SGCD: variants seen among roughly 807,000 people sequenced by gnomAD.
SGCD encodes the protein sarcoglycan delta.
In SGCD, 18 loss-of-function variants were observed where a neutral mutation model predicts 36.6. That is an observed-to-expected ratio of 0.49 (90% CI 0.34 to 0.73). SGCD has a LOEUF of 0.73. SGCD is among the 30% of genes least tolerant of loss of function. The pLI is 0.01. For synonymous variants in SGCD, 133 were observed against 130.6 expected (o/e 1.02, Z -0.12); for missense variants, 387 against 346.7 (o/e 1.12, Z -0.92).
At chr5:155,756,428 T>C in the SGCD span, among the ~76,000 whole-genome samples, 3 of 152,240 alleles carry the variant, frequency 2.0e-5, no homozygotes, top group Non-Finnish European at 2.9e-5. Flanking sequence ...TTTTATTCCA[T>C]ATGTTGATCT....
At chr5:156,026,090 A>G (rs774955280) in intron 1 of SGCD, among the ~76,000 whole-genome samples, 8 of 152,274 alleles carry the variant, frequency 5.3e-5, no homozygotes, top group Non-Finnish European at 1.0e-4. Context: ...CAGTCACTGA[A>G]TTATTGATAA....
chr5:156,121,857 G>T (rs1215706755), intron 2 of SGCD, among the ~76,000 whole-genome samples: 1 of 152,004 alleles, frequency 6.6e-6, no homozygotes, highest in Admixed American at 6.6e-5. Flanking sequence ...GGAAGCAAAG[G>T]CAGAAAATCT....
At chr5:156,276,448 A>T (rs530210880) in intron 3 of SGCD, among the ~76,000 whole-genome samples, 25 of 152,334 alleles carry the variant, frequency 1.6e-4, no homozygotes, top group African/African-American at 6.0e-4. Context: ...TTTGACACTC[A>T]GCATCAGTAT....
At chr5:156,180,606 G>A (rs1763585444) in intron 3 of SGCD, among the ~76,000 whole-genome samples, 1 of 152,126 alleles carries the variant, frequency 6.6e-6, no homozygotes, top group Admixed American at 6.6e-5. Context: ...ACCCTCCAAA[G>A]ATTCACTGAA....
At chr5:156,086,719 A>G (rs1327252280) in intron 1 of SGCD, among the ~76,000 whole-genome samples, 1 of 152,206 alleles carries the variant, frequency 6.6e-6, no homozygotes, top group Non-Finnish European at 1.5e-5. Flanking sequence ...TAGATAAGGG[A>G]AACATGGTGC....
At chr5:156,017,196 C>T (rs1015218241) in intron 1 of SGCD, among the ~76,000 whole-genome samples, 1 of 152,122 alleles carries the variant, frequency 6.6e-6, no homozygotes, top group African/African-American at 2.4e-5. Flanking sequence ...GTCTTGCCTG[C>T]TTTTCTGTAT....
chr5:156,668,972 A>G (rs1049143624), intron 7 of SGCD, among the ~76,000 whole-genome samples: 4 of 152,150 alleles, frequency 2.6e-5, no homozygotes, highest in African/African-American at 9.7e-5. Context: ...CTGGAGCGGA[A>G]AAAAGGGCCT....
intron 6 of SGCD, among the ~76,000 whole-genome samples, chr5:156,644,154 C>T (rs571237289): frequency 1.9e-3 from 294 of 152,232 alleles, no homozygotes; most frequent in African/African-American, 7.0e-3. Flanking sequence ...CTTTTGAGAT[C>T]AGTTCTTCAT....
intron 3 of SGCD, among the ~76,000 whole-genome samples, chr5:156,153,917 A>G (rs1581133463): frequency 6.6e-6 from 1 of 151,700 alleles, no homozygotes; most frequent in East Asian, 1.9e-4. Flanking sequence ...TAACCACCCC[A>G]GTTGTTTTAA....
intron 3 of SGCD, among the ~76,000 whole-genome samples, chr5:156,458,019 G>A (rs1231814911): frequency 6.6e-6 from 1 of 152,088 alleles, no homozygotes; most frequent in Non-Finnish European, 1.5e-5. Context: ...AAACCACACT[G>A]TGCCAACGCC....
intron 3 of SGCD, among the ~76,000 whole-genome samples, chr5:156,126,482 G>A (rs1479502987): frequency 1.3e-5 from 2 of 152,180 alleles, no homozygotes; most frequent in Non-Finnish European, 2.9e-5. Flanking sequence ...GACGGAGGAT[G>A]CAGGGCAAAG....
At chr5:155,753,474 A>G in the SGCD span, among the ~76,000 whole-genome samples, 2 of 152,224 alleles carry the variant, frequency 1.3e-5, no homozygotes, top group Non-Finnish European at 2.9e-5. Context: ...AAAGGATCGG[A>G]CAATGTGCTA....
intron 3 of SGCD, among the ~76,000 whole-genome samples, chr5:156,229,883 T>C (rs59232655): frequency 0.04 from 6,075 of 152,280 alleles, 239 homozygotes; most frequent in African/African-American, 0.1. Flanking sequence ...TTGTCTTTGT[T>C]GGATTGGGTT....
chr5:156,695,086 T>G (rs1754253002), intron 7 of SGCD, among the ~76,000 whole-genome samples: 3 of 151,666 alleles, frequency 2.0e-5, no homozygotes, highest in African/African-American at 7.3e-5. Context: ...GAGAGTGCCA[T>G]GTTCTTAATT....
intron 1 of SGCD, among the ~76,000 whole-genome samples, chr5:156,039,056 A>G (rs1435841415): frequency 6.6e-6 from 1 of 152,036 alleles, no homozygotes; most frequent in Non-Finnish European, 1.5e-5. Flanking sequence ...CTTTTTATCA[A>G]GGTAGCATCC....
chr5:156,345,250 T>C (rs1489073078), intron 3 of SGCD, among the ~76,000 whole-genome samples: 1 of 152,184 alleles, frequency 6.6e-6, no homozygotes, highest in Non-Finnish European at 1.5e-5. Flanking sequence ...ATTTTTTTTT[T>C]TAAGAATTGA....
chr5:156,458,735 C>T (rs376686630), intron 3 of SGCD, among the ~76,000 whole-genome samples: 3 of 152,322 alleles, frequency 2.0e-5, no homozygotes, highest in African/African-American at 7.2e-5. Context: ...ACCAACATCA[C>T]GATCATCCAC....
At chr5:156,004,303 T>C (rs1165544605) in intron 1 of SGCD, among the ~76,000 whole-genome samples, 4 of 152,230 alleles carry the variant, frequency 2.6e-5, no homozygotes, top group Non-Finnish European at 5.9e-5. Context: ...AACATGCTTC[T>C]TTCTAGAACA....
At chr5:156,704,252 T>A (rs1200104022) in intron 7 of SGCD, 1 of 152,182 alleles carries the variant, frequency 6.6e-6, no homozygotes, top group Non-Finnish European at 1.5e-5. Flanking sequence ...CCGCCAGGCT[T>A]CTATCCTATC....
Sources: allele counts gnomAD v4.1 joint callset (sites outside exome capture counted in the v4.1 genomes callset), GRCh38; gene constraint gnomAD v4.1.1; transcripts MANE v1.5; gene names NCBI Gene and HGNC (gene_info 2026-07-23, HGNC 2026-07-21).